The following RAI2 variants were observed in gnomAD, a reference collection of about 807,000 sequenced individuals.
RAI2 encodes the protein retinoic acid induced 2, also known as retinoic acid-induced protein 2.
In RAI2, 5 loss-of-function variants were observed where a neutral mutation model predicts 15.3. The ratio of observed to expected loss-of-function variants is 0.33; its 90% CI spans 0.17 to 0.69. The LOEUF (loss-of-function observed/expected upper bound fraction) is 0.69, where lower values mean the gene tolerates loss of function less well. Among genes scored for constraint, RAI2 ranks in the 30% least tolerant of loss-of-function variants. The probability of loss-of-function intolerance (pLI) is 0.69; values close to 1 mark genes in which losing one functional copy is unlikely to be tolerated. For missense variants in RAI2, 424 were observed against 424.7 expected (o/e 1.00, Z 0.01); for synonymous variants, 191 against 184.0 (o/e 1.04, Z -0.31).
At chrX:17,817,367 C>T (rs759911762) in intron 1 of RAI2, among the ~76,000 whole-genome samples, 7 of 112,029 alleles carry the variant, frequency 6.2e-5, no homozygotes, top group South Asian at 3.7e-4. Context: ...CAAGCTTCCA[C>T]GTGCTAGCTT....
chrX:17,856,331 G>A (rs1337537556), intron 1 of RAI2, among the ~76,000 whole-genome samples: 1 of 111,640 alleles, frequency 9.0e-6, no homozygotes, highest in African/African-American at 3.3e-5. Context: ...TTAAGAGGTG[G>A]GGCATTTGGT....
intron 1 of RAI2, among the ~76,000 whole-genome samples, chrX:17,825,219 G>A (rs1168713688): frequency 8.9e-6 from 1 of 112,912 alleles, no homozygotes; most frequent in Non-Finnish European, 1.9e-5. Context: ...AAATGCTGCG[G>A]GAGACCGCAT....
intron 1 of RAI2, among the ~76,000 whole-genome samples, chrX:17,815,549 G>A (rs1432528397): frequency 9.0e-6 from 1 of 111,378 alleles, no homozygotes; most frequent in Non-Finnish European, 1.9e-5. Context: ...TAGGATTTTG[G>A]CGCAGGAGAT....
At chrX:17,859,739 G>C (rs977985451) in intron 1 of RAI2, among the ~76,000 whole-genome samples, 1 of 111,964 alleles carries the variant, frequency 8.9e-6, no homozygotes, top group African/African-American at 3.2e-5. Context: ...CCACGACATA[G>C]GGGCACGACG....
At chrX:17,823,208 A>G (rs780767971) in intron 1 of RAI2, among the ~76,000 whole-genome samples, 18 of 111,732 alleles carry the variant, frequency 1.6e-4, no homozygotes, top group Non-Finnish European at 1.9e-5. Context: ...GGTTGTTAAG[A>G]AGGGTAGGTG....
At chrX:17,847,107 C>A (rs2067472913) in intron 1 of RAI2, among the ~76,000 whole-genome samples, 1 of 111,873 alleles carries the variant, frequency 8.9e-6, no homozygotes, top group Non-Finnish European at 1.9e-5. Context: ...AAATCTCTTT[C>A]CTTTATAAAT....
intron 1 of RAI2, among the ~76,000 whole-genome samples, chrX:17,818,388 C>G (rs1199974089): frequency 8.9e-6 from 1 of 112,193 alleles, no homozygotes; most frequent in Non-Finnish European, 1.9e-5. Context: ...CAAGTGCACA[C>G]CCCATGGAGG....
chrX:17,813,406 C>T (rs1240158783), intron 1 of RAI2, among the ~76,000 whole-genome samples: 1 of 111,495 alleles, frequency 9.0e-6, no homozygotes, highest in Non-Finnish European at 1.9e-5. Flanking sequence ...TAAAGATAAT[C>T]CAGCCAGTAA....
At chrX:17,854,905 C>G (rs2067581795) in intron 1 of RAI2, among the ~76,000 whole-genome samples, 2 of 112,014 alleles carry the variant, frequency 1.8e-5, no homozygotes, top group South Asian at 3.8e-4. Context: ...CCTCAGGAGC[C>G]AGAGCCACAG....
intron 1 of RAI2, among the ~76,000 whole-genome samples, chrX:17,825,046 T>C (rs962124905): frequency 1.8e-5 from 2 of 112,611 alleles, no homozygotes; most frequent in African/African-American, 3.2e-5. Flanking sequence ...TATGTGTATG[T>C]ACTTCTTGGT....
intron 1 of RAI2, among the ~76,000 whole-genome samples, chrX:17,825,936 TGAGA>T (rs1433476753): frequency 1.8e-5 from 2 of 112,617 alleles, no homozygotes; most frequent in Non-Finnish European, 3.8e-5. Flanking sequence ...CCAGATCCAC[TGAGA>T]GATTCTCTTG....
At chrX:17,829,008 TC>T (rs2067254963) in intron 1 of RAI2, among the ~76,000 whole-genome samples, 1 of 111,424 alleles carries the variant, frequency 9.0e-6, no homozygotes, top group Non-Finnish European at 1.9e-5. Flanking sequence ...TCACCATTTA[TC>T]CTTTTAACCA....
chrX:17,847,848 G>A (rs1333647930), intron 1 of RAI2, among the ~76,000 whole-genome samples: 2 of 112,124 alleles, frequency 1.8e-5, no homozygotes, highest in Non-Finnish European at 3.8e-5. Flanking sequence ...CTCAGCCCCT[G>A]GTGATGATGG....
intron 1 of RAI2, among the ~76,000 whole-genome samples, chrX:17,803,528 TA>T (rs1187273500): frequency 1.9e-5 from 2 of 105,022 alleles, no homozygotes; most frequent in African/African-American, 6.9e-5. Context: ...GAGACTCCTT[TA>T]AAAAAAAAAG....
chrX:17,850,527 T>C (rs748017814), intron 1 of RAI2, among the ~76,000 whole-genome samples: 3 of 112,743 alleles, frequency 2.7e-5, no homozygotes, highest in Non-Finnish European at 3.8e-5. Flanking sequence ...AATTCCATTC[T>C]TCACGTGGGC....
chrX:17,816,748 G>C (rs943679205), intron 1 of RAI2, among the ~76,000 whole-genome samples: 2 of 112,018 alleles, frequency 1.8e-5, no homozygotes, highest in African/African-American at 6.5e-5. Flanking sequence ...ATCTGTGGCT[G>C]ACTGGCCAGC....
chrX:17,815,402 T>TAATA (rs2067096613), intron 1 of RAI2, among the ~76,000 whole-genome samples: 1 of 110,685 alleles, frequency 9.0e-6, no homozygotes, highest in African/African-American at 3.3e-5. Flanking sequence ...GTTGTCCCTC[T>TAATA]AATAGTCAAG....
At chrX:17,817,041 G>C (rs1424456418) in intron 1 of RAI2, among the ~76,000 whole-genome samples, 2 of 111,888 alleles carry the variant, frequency 1.8e-5, no homozygotes, top group East Asian at 2.8e-4. Flanking sequence ...CGGCTTGCAG[G>C]GGGAAGGGCC....
intron 1 of RAI2, among the ~76,000 whole-genome samples, chrX:17,825,426 G>A (rs1482167750): frequency 8.9e-6 from 1 of 112,703 alleles, no homozygotes; most frequent in African/African-American, 3.2e-5. Flanking sequence ...AGCCACATAG[G>A]GGACAACCAT....
Sources: allele counts gnomAD v4.1 joint callset (sites outside exome capture counted in the v4.1 genomes callset), GRCh38; gene constraint gnomAD v4.1.1; transcripts MANE v1.5; gene names NCBI Gene and HGNC (gene_info 2026-07-23, HGNC 2026-07-21).